Variants in SORCS3 observed in about 807,000 individuals in gnomAD.
The protein encoded by SORCS3 is VPS10 domain-containing receptor SorCS3.
In SORCS3, 57 loss-of-function variants were observed where a neutral mutation model predicts 146.3. The observed-to-expected ratio is 0.39, with a 90% CI of 0.31 to 0.49. The LOEUF (loss-of-function observed/expected upper bound fraction) is 0.49, where lower values mean the gene tolerates loss of function less well. Among genes scored for constraint, SORCS3 ranks in the 20% least tolerant of loss-of-function variants. The probability of loss-of-function intolerance (pLI) is 0.92; values close to 1 mark genes in which losing one functional copy is unlikely to be tolerated. For synonymous variants in SORCS3, 653 were observed against 618.5 expected, an observed-to-expected ratio of 1.06 and a Z score of -0.83; for missense variants, 1,341 against 1,575.5, an observed-to-expected ratio of 0.85 and a Z score of 2.52.
chr10:105,261,741 T>C (rs1173608049), intron 25 of SORCS3, among the ~76,000 whole-genome samples: 1 of 152,202 alleles, frequency 6.6e-6, no homozygotes, highest in African/African-American at 2.4e-5. Flanking sequence ...AATAGAGCTA[T>C]TTAGCTTCTC....
chr10:105,257,185 C>T (rs2056936761), intron 25 of SORCS3, among the ~76,000 whole-genome samples: 1 of 152,124 alleles, frequency 6.6e-6, no homozygotes, highest in African/African-American at 2.4e-5. Flanking sequence ...TTATTATCTT[C>T]AAGAGAAGTG....
chr10:105,130,293 A>G (rs1403998936), intron 7 of SORCS3, among the ~76,000 whole-genome samples: 1 of 152,126 alleles, frequency 6.6e-6, no homozygotes, highest in Non-Finnish European at 1.5e-5. Context: ...TTACTATGCA[A>G]TTGGAAACTG....
At chr10:104,843,774 G>A (rs746543820) in intron 2 of SORCS3, among the ~76,000 whole-genome samples, 2 of 152,198 alleles carry the variant, frequency 1.3e-5, no homozygotes, top group Non-Finnish European at 1.5e-5. Flanking sequence ...CACACTGGTC[G>A]ACAGCGGGTC....
intron 20 of SORCS3, among the ~76,000 whole-genome samples, chr10:105,239,668 C>A (rs969422537): frequency 1.3e-5 from 2 of 152,128 alleles, no homozygotes; most frequent in East Asian, 3.9e-4. Flanking sequence ...GGATGAAGCA[C>A]AGAGACAGAG....
chr10:104,696,137 CATATTATATATAATATATATACACATATA>C, intron 1 of SORCS3, among the ~76,000 whole-genome samples: 1 of 98,776 alleles, frequency 1.0e-5, no homozygotes, highest in Admixed American at 1.3e-4. Context: ...ATCATATACA[CATATTATATATAATATATATACACATATA>C]ATATATAATA....
chr10:105,103,836 C>T (rs1411754164), intron 6 of SORCS3, among the ~76,000 whole-genome samples: 1 of 152,176 alleles, frequency 6.6e-6, no homozygotes, highest in Non-Finnish European at 1.5e-5. Context: ...ATATTTCTTT[C>T]TTAAAGTAGC....
intron 4 of SORCS3, among the ~76,000 whole-genome samples, chr10:105,025,914 C>T (rs1004894009): frequency 1.3e-5 from 2 of 150,398 alleles, no homozygotes; most frequent in South Asian, 4.2e-4. Context: ...CAAATCTTGA[C>T]ACCCTCACAA....
chr10:104,701,976 T>A (rs1056394224), intron 1 of SORCS3, among the ~76,000 whole-genome samples: 1 of 152,178 alleles, frequency 6.6e-6, no homozygotes, highest in African/African-American at 2.4e-5. Flanking sequence ...GTAAATATTT[T>A]GGTTTTGTGG....
chr10:105,050,458 A>T (rs1480886615), intron 5 of SORCS3, among the ~76,000 whole-genome samples: 2 of 152,182 alleles, frequency 1.3e-5, no homozygotes, highest in Non-Finnish European at 2.9e-5. Context: ...ATCTCCAGCC[A>T]AAAGCCAATG....
At chr10:105,255,215 G>C (rs916603677) in intron 23 of SORCS3, among the ~76,000 whole-genome samples, 6 of 149,788 alleles carry the variant, frequency 4.0e-5, no homozygotes, top group African/African-American at 1.5e-4. Context: ...AAAAAAAGTG[G>C]ATCTGCTTAA....
intron 1 of SORCS3, among the ~76,000 whole-genome samples, chr10:104,794,917 G>T (rs926428750): frequency 2.6e-5 from 4 of 151,964 alleles, no homozygotes; most frequent in African/African-American, 9.7e-5. Flanking sequence ...GCCATAGATG[G>T]TCTCAGTGTG....
intron 4 of SORCS3, among the ~76,000 whole-genome samples, chr10:105,021,779 G>A (rs573540463): frequency 6.6e-6 from 1 of 152,296 alleles, no homozygotes; most frequent in South Asian, 2.1e-4. Context: ...TTGCAGTTAA[G>A]AGAGGAGAAA....
intron 1 of SORCS3, among the ~76,000 whole-genome samples, chr10:104,805,600 G>A (rs2017671582): frequency 6.6e-6 from 1 of 152,102 alleles, no homozygotes; most frequent in Admixed American, 6.6e-5. Context: ...AGTGGTGTGT[G>A]ATAGAATTTG....
intron 4 of SORCS3, among the ~76,000 whole-genome samples, chr10:104,994,151 A>T (rs2133665659): frequency 6.6e-6 from 1 of 152,324 alleles, no homozygotes; most frequent in Admixed American, 6.5e-5. Context: ...CAAGACCTAG[A>T]GATGCAATAA....
intron 1 of SORCS3, among the ~76,000 whole-genome samples, chr10:104,675,927 T>C (rs1266980222): frequency 2.0e-5 from 3 of 152,220 alleles, no homozygotes; most frequent in African/African-American, 7.2e-5. Context: ...GGTAGGATTA[T>C]ATCAGTCAGT....
At position 105,094,399 on chromosome 10, in the gene SORCS3, T is replaced by C. The variant is rs147673496; in HGVS notation, c.1093+4560T>C. Among the ~76,000 whole-genome samples, 1,203 of 152,372 alleles carry C rather than the reference T, an allele frequency of 7.9e-3. 50 individuals carry two copies. The highest frequency in any genetic ancestry group is 0.072 in the Admixed American group (1,101 of 15,300). On this transcript the variant is annotated intron_variant, in intron 6 of 26. Transcript: ENST00000369701. ...TACTAAAATTAATATTTTTGGTTAA[T>C]AAAAGCTAGGAGGCATAGTTCCTGA...
chr10:105,116,625 G>A (rs1306309274), intron 7 of SORCS3, among the ~76,000 whole-genome samples: 1 of 151,860 alleles, frequency 6.6e-6, no homozygotes, highest in Non-Finnish European at 1.5e-5. Context: ...TAAAGACATG[G>A]AATCAACCTA....
At chr10:104,677,325 A>G (rs1385782911) in intron 1 of SORCS3, among the ~76,000 whole-genome samples, 1 of 152,152 alleles carries the variant, frequency 6.6e-6, no homozygotes, top group Non-Finnish European at 1.5e-5. Context: ...GTCTATCCTG[A>G]GGCTATTATT....
intron 1 of SORCS3, among the ~76,000 whole-genome samples, chr10:104,771,504 G>T (rs1309446623): frequency 2.6e-5 from 4 of 152,198 alleles, no homozygotes; most frequent in Non-Finnish European, 4.4e-5. Context: ...TCTTGGCCAG[G>T]GTTCATCCTC....
Sources: gnomAD v4.1 joint callset for allele counts (sites outside exome capture counted in the v4.1 genomes callset) on GRCh38, gnomAD v4.1.1 for gene constraint, MANE v1.5 for transcripts, NCBI Gene and HGNC (gene_info 2026-07-23, HGNC 2026-07-21) for gene names.